Variants in STARD13 observed in about 807,000 individuals in gnomAD.
STARD13 encodes stAR-related lipid transfer protein 13.
STARD13 carries 62 observed loss-of-function variants against 106.4 expected under a neutral mutation model. That is an observed-to-expected ratio of 0.58 (90% CI 0.48 to 0.72). The LOEUF is 0.72. Among genes scored for constraint, STARD13 ranks in the 30% least tolerant of loss-of-function variants. STARD13 has a pLI of 0.00. For missense variants in STARD13, 1,387 were observed against 1,424.0 expected (o/e 0.97, Z 0.42); for synonymous variants, 565 against 553.0 (o/e 1.02, Z -0.31).
the STARD13 span, among the ~76,000 whole-genome samples, chr13:33,543,723 T>TA: frequency 6.6e-6 from 1 of 150,530 alleles, no homozygotes; most frequent in South Asian, 2.1e-4. Flanking sequence ...CACCAGAGGT[T>TA]ATAACTGGGA....
chr13:33,300,393 T>A (rs1892665703), intron 1 of STARD13, among the ~76,000 whole-genome samples: 1 of 152,188 alleles, frequency 6.6e-6, no homozygotes, highest in South Asian at 2.1e-4. Flanking sequence ...TTTTATGTGG[T>A]CAACTGAATC....
intron 3 of STARD13, among the ~76,000 whole-genome samples, chr13:33,152,626 G>A (rs1197431183): frequency 6.6e-6 from 1 of 152,104 alleles, no homozygotes; most frequent in Non-Finnish European, 1.5e-5. Context: ...GATAACCATC[G>A]TGACCTACTC....
At chr13:33,201,895 C>T (rs138099474) in intron 1 of STARD13, among the ~76,000 whole-genome samples, 18 of 151,964 alleles carry the variant, frequency 1.2e-4, no homozygotes, top group African/African-American at 3.6e-4. Context: ...TGTCAGGCAA[C>T]CTTTGGATTC....
At chr13:33,411,682 G>GT in the STARD13 span, among the ~76,000 whole-genome samples, 4 of 152,304 alleles carry the variant, frequency 2.6e-5, no homozygotes, top group Non-Finnish European at 5.9e-5. Context: ...TGTCTCCATA[G>GT]TTTTCCCTTT....
At chr13:33,131,821 A>G (rs1878334391) in intron 4 of STARD13, among the ~76,000 whole-genome samples, 1 of 152,194 alleles carries the variant, frequency 6.6e-6, no homozygotes, top group Non-Finnish European at 1.5e-5. Flanking sequence ...CTCTAAAGTA[A>G]GTTTCTGCCA....
chr13:33,431,609 G>C, the STARD13 span, among the ~76,000 whole-genome samples: 2 of 152,236 alleles, frequency 1.3e-5, no homozygotes, highest in East Asian at 3.9e-4. Flanking sequence ...ATACTAGAGT[G>C]TTAGAAAATT....
chr13:33,351,153 C>T (rs867718886), upstream of STARD13, among the ~76,000 whole-genome samples: 4 of 152,256 alleles, frequency 2.6e-5, no homozygotes, highest in Non-Finnish European at 5.9e-5. Flanking sequence ...TAAATTAATA[C>T]GGTTTGAAGT....
chr13:33,647,217 G>C, the STARD13 span, among the ~76,000 whole-genome samples: 1 of 152,296 alleles, frequency 6.6e-6, no homozygotes, highest in Admixed American at 6.5e-5. Context: ...GTCCTTGGAA[G>C]AAAGGTAGAA....
At chr13:33,665,921 A>G in the STARD13 span, among the ~76,000 whole-genome samples, 166 of 152,320 alleles carry the variant, frequency 1.1e-3, no homozygotes, top group African/African-American at 3.8e-3. Flanking sequence ...CAGCTGGCTC[A>G]GTGTAAATTC....
intron 4 of STARD13, chr13:33,138,682 C>G (rs1644823623): frequency 3.2e-6 from 1 of 308,716 alleles, no homozygotes; most frequent in Non-Finnish European, 6.4e-6. Context: ...GGGAATGCCG[C>G]GGGAGTGGAG....
chr13:33,404,118 A>G, the STARD13 span, among the ~76,000 whole-genome samples: 1 of 152,230 alleles, frequency 6.6e-6, no homozygotes, highest in Non-Finnish European at 1.5e-5. Context: ...GCTGAAATAG[A>G]TAATAATGAG....
At chr13:33,522,382 T>C in the STARD13 span, among the ~76,000 whole-genome samples, 2 of 152,094 alleles carry the variant, frequency 1.3e-5, no homozygotes, top group Non-Finnish European at 2.9e-5. Flanking sequence ...TGACACATCA[T>C]TATTACACAA....
At chr13:33,465,094 C>A in the STARD13 span, among the ~76,000 whole-genome samples, 1 of 151,928 alleles carries the variant, frequency 6.6e-6, no homozygotes, top group Non-Finnish European at 1.5e-5. Context: ...CCACTTTCTT[C>A]TTCTAGCCTT....
intron 1 of STARD13, among the ~76,000 whole-genome samples, chr13:33,309,407 G>A (rs1464123622): frequency 6.6e-6 from 1 of 152,130 alleles, no homozygotes; most frequent in Non-Finnish European, 1.5e-5. Context: ...TTGGAGTTGT[G>A]GGTCAGCTCT....
the STARD13 span, among the ~76,000 whole-genome samples, chr13:33,649,435 G>T: frequency 6.6e-6 from 1 of 152,008 alleles, no homozygotes; most frequent in Non-Finnish European, 1.5e-5. Flanking sequence ...TTTCCATAAC[G>T]TCATCTTGTG....
rs1235776393 is a variant in STARD13 at position 33,190,400 on chromosome 13, C to T, written c.170-22778G>A. Reference sequence around the variant, plus strand: ...CCTATCACTGTACTCCAGCCAGGGTCACAGAGAAAGACCCTGTCTCAAAAA... The same window carrying T: ...CCTATCACTGTACTCCAGCCAGGGTTACAGAGAAAGACCCTGTCTCAAAAA... On this transcript the variant is annotated intron_variant, in intron 1 of 13. Coordinates refer to ENST00000336934, the MANE Select transcript of STARD13 (RefSeq NM_178006.4). Among the ~76,000 whole-genome samples the T allele has an allele frequency of 7.2e-5, 11 of 152,114 alleles. No homozygotes were observed. In the South Asian group the frequency reaches 8.3e-4, roughly 11 times the overall value.
At chr13:33,457,649 T>C in the STARD13 span, among the ~76,000 whole-genome samples, 1 of 152,170 alleles carries the variant, frequency 6.6e-6, no homozygotes, top group Non-Finnish European at 1.5e-5. Flanking sequence ...AAGTCCAGGA[T>C]CAAGGTGCCA....
chr13:33,534,710 G>A, the STARD13 span, among the ~76,000 whole-genome samples: 1 of 152,048 alleles, frequency 6.6e-6, no homozygotes, highest in South Asian at 2.1e-4. Context: ...TCTTCTAAGT[G>A]TCTAGTATAA....
At chr13:33,352,111 T>TA (rs1379425661), upstream of STARD13, among the ~76,000 whole-genome samples, 1 of 152,260 alleles carries the variant, frequency 6.6e-6, no homozygotes, top group East Asian at 1.9e-4. Flanking sequence ...AATAGTCAGT[T>TA]ATGAAGCAAT....
Sources: allele counts gnomAD v4.1 joint callset (sites outside exome capture counted in the v4.1 genomes callset), GRCh38; gene constraint gnomAD v4.1.1; transcripts MANE v1.5; gene names NCBI Gene and HGNC (gene_info 2026-07-23, HGNC 2026-07-21).